PRKCE: variants seen among roughly 807,000 people sequenced by gnomAD.
The protein encoded by PRKCE is protein kinase C epsilon type.
Under a neutral mutation model 85.4 loss-of-function variants are expected in PRKCE, and 16 were observed. That is an observed-to-expected ratio of 0.19 (90% CI 0.13 to 0.28). The LOEUF is 0.28. Ranked by LOEUF, PRKCE falls within the 10% of genes least tolerant of loss-of-function variation. PRKCE has a pLI of 1.00. For synonymous variants in PRKCE, 388 were observed against 371.5 expected, an observed-to-expected ratio of 1.04 and a Z score of -0.51; for missense variants, 573 against 975.2, an observed-to-expected ratio of 0.59 and a Z score of 5.49.
intron 1 of PRKCE, among the ~76,000 whole-genome samples, chr2:45,716,287 T>C (rs939576314): frequency 3.3e-5 from 5 of 152,108 alleles, no homozygotes; most frequent in African/African-American, 1.2e-4. Context: ...GAGGCCAAGG[T>C]GGGCAGATCA....
intron 1 of PRKCE, among the ~76,000 whole-genome samples, chr2:45,760,014 C>T (rs1180860799): frequency 6.6e-6 from 1 of 152,166 alleles, no homozygotes; most frequent in Non-Finnish European, 1.5e-5. Context: ...CCTATGCACG[C>T]AAAAGCAGAT....
Position 46,052,301 on chromosome 2 carries a change from C to G in PRKCE, c.1438-33907C>G, listed in dbSNP as rs550218719. Among the ~76,000 whole-genome samples, 9 of 152,210 alleles carry G rather than the reference C, an allele frequency of 5.9e-5. No individual in the cohort carries two copies. The South Asian group carries it at 1.9e-3, about 32-fold the overall frequency. On this transcript the variant is annotated intron_variant, in intron 10 of 14. Coordinates refer to ENST00000306156, the MANE Select transcript of PRKCE (RefSeq NM_005400.3). ...AACTAATAAAAGAGTAGAGCAAGGC[C>G]ACAGGAGACAAGATCAATATACAAA...
intron 2 of PRKCE, among the ~76,000 whole-genome samples, chr2:45,918,296 T>TC (rs1255881753): frequency 1.3e-5 from 2 of 152,222 alleles, no homozygotes; most frequent in African/African-American, 4.8e-5. Flanking sequence ...AGCCTTTCGT[T>TC]CCCCAGCAAG....
At chr2:45,984,719 C>T (rs779485798) in intron 6 of PRKCE, 39 bp downstream of exon 6, 6 of 1,574,424 alleles carry the variant, frequency 3.8e-6, no homozygotes, top group Non-Finnish European at 4.3e-6. Context: ...CCCTGCATGT[C>T]CCCTTCCTTG....
intron 1 of PRKCE, among the ~76,000 whole-genome samples, chr2:45,666,370 T>G (rs751110433): frequency 2.0e-5 from 3 of 151,974 alleles, no homozygotes; most frequent in Admixed American, 2.0e-4. Context: ...CCAGCCCCAG[T>G]TGCCTACATA....
In PRKCE at chr2:45,697,067, A is replaced by T. The variant is rs1202404070; in HGVS notation, c.348+44619A>T. Among the ~76,000 whole-genome samples, 1 of 152,218 alleles carries T rather than the reference A, an allele frequency of 6.6e-6. No homozygotes were observed. Among genetic ancestry groups the T allele is most frequent in the Non-Finnish European group, 1.5e-5 (1 of 68,038 alleles). Reference sequence around the variant, plus strand: ...AAGCAAACCTTTTTGTGACTACATTAATGTCCATGGTAATATTAAAGATTA... The same window carrying T: ...AAGCAAACCTTTTTGTGACTACATTTATGTCCATGGTAATATTAAAGATTA... On this transcript the variant is annotated intron_variant, in intron 1 of 14. Coordinates refer to ENST00000306156, the MANE Select transcript of PRKCE (RefSeq NM_005400.3). The surrounding 1 kb of genome is among the most constrained non-coding windows in gnomAD (Gnocchi z 4.2).
At chr2:45,674,546 A>G (rs1676331306) in intron 1 of PRKCE, among the ~76,000 whole-genome samples, 1 of 152,222 alleles carries the variant, frequency 6.6e-6, no homozygotes, top group Non-Finnish European at 1.5e-5. Context: ...CACTGTGGTC[A>G]GTGCATATAT....
intron 2 of PRKCE, among the ~76,000 whole-genome samples, chr2:45,887,491 A>G (rs1389031577): frequency 2.0e-5 from 3 of 152,156 alleles, no homozygotes; most frequent in Non-Finnish European, 2.9e-5. Context: ...AAAGGTCTCT[A>G]GGTGGCGGTT....
chr2:46,145,446 G>T lies in PRKCE; in HGVS notation c.1731+215G>T, dbSNP rs531703199. On this transcript the variant is annotated intron_variant, in intron 12 of 14. Transcript: ENST00000306156. This position sits in a 1 kb window ranked among gnomAD's most constrained non-coding sequence, Gnocchi z 4.6. ...TGGGGAGATGATGAGTGAAATGAGA[G>T]TAACAGGCTATTTCCCAAACCCGGG... 2.0e-5 allele frequency among the ~76,000 whole-genome samples: 3 copies of T among 152,168 alleles called. No homozygotes were observed. The highest frequency in any genetic ancestry group is 4.4e-5 in the Non-Finnish European group (3 of 68,030).
rs146217587 is a variant in PRKCE, at chr2:45,710,054, G to A, written c.348+57606G>A. Among the ~76,000 whole-genome samples the A allele has an allele frequency of 7.7e-4, 117 of 152,234 alleles. 1 individual carries two copies. The highest frequency in any genetic ancestry group is 3.4e-3 in the Middle Eastern group (1 of 294). ...TCGAACCCCTGACCTCAAGTGATCCGGAAAGTTCTGGGATTACAGGCTTAG... is the reference window on the plus strand; with the variant it reads ...TCGAACCCCTGACCTCAAGTGATCCAGAAAGTTCTGGGATTACAGGCTTAG... On this transcript the variant is annotated intron_variant, in intron 1 of 14. Coordinates refer to ENST00000306156, the MANE Select transcript of PRKCE (RefSeq NM_005400.3).
chr2:45,979,452 C>CT (rs1170994393), intron 4 of PRKCE, among the ~76,000 whole-genome samples: 12 of 152,134 alleles, frequency 7.9e-5, no homozygotes, highest in Admixed American at 2.0e-4. Flanking sequence ...TGTCTAATCC[C>CT]TTTTTTTGGT....
At chr2:45,996,086 A>G (rs1704192934) in intron 6 of PRKCE, among the ~76,000 whole-genome samples, 1 of 152,038 alleles carries the variant, frequency 6.6e-6, no homozygotes, top group East Asian at 1.9e-4. Context: ...ATTTTGTGAG[A>G]TTTATATGTA....
chr2:45,937,770 G>T lies in PRKCE; in HGVS notation c.413-38659G>T, dbSNP rs996604811. ...GGTATATATCATCGTTCCAACAAAA[G>T]CTGCCATTATCGAACGCCTACTGTG... On this transcript the variant is annotated intron_variant, in intron 2 of 14. Transcript: ENST00000306156. Among the ~76,000 whole-genome samples the T allele has an allele frequency of 2.0e-5, 3 of 152,116 alleles. No homozygotes were observed. In the South Asian group the frequency reaches 6.2e-4, roughly 32 times the overall value.
At chr2:45,996,049 A>G (rs1459179904) in intron 6 of PRKCE, among the ~76,000 whole-genome samples, 1 of 152,122 alleles carries the variant, frequency 6.6e-6, no homozygotes, top group African/African-American at 2.4e-5. Context: ...ACGGTTTTGT[A>G]GTTCTACTTA....
intron 1 of PRKCE, among the ~76,000 whole-genome samples, chr2:45,695,415 C>G (rs1398452939): frequency 2.6e-5 from 4 of 152,108 alleles, no homozygotes; most frequent in Non-Finnish European, 5.9e-5. Context: ...AATGTACCAC[C>G]ACTTCACCAA....
In PRKCE at chr2:45,697,429, T is replaced by C. The variant is rs1678245992; in HGVS notation, c.348+44981T>C. On this transcript the variant is annotated intron_variant, in intron 1 of 14. Coordinates refer to ENST00000306156, the MANE Select transcript of PRKCE (RefSeq NM_005400.3). This position sits in a 1 kb window ranked among gnomAD's most constrained non-coding sequence, Gnocchi z 4.2. ...ATGAGTGAAAATCCATTTTATTTATTTAGCCAGGACAGATAAGGACTAACA... is the reference window on the plus strand; with the variant it reads ...ATGAGTGAAAATCCATTTTATTTATCTAGCCAGGACAGATAAGGACTAACA... 6.6e-6 allele frequency among the ~76,000 whole-genome samples: 1 copy of C among 152,152 alleles called. No homozygotes were observed. The highest frequency in any genetic ancestry group is 2.1e-4 in the South Asian group (1 of 4,828).
rs755792450 is a variant in PRKCE at position 46,155,435 on chromosome 2, G to A, written c.1921-4171G>A. 3.8e-4 allele frequency among the ~76,000 whole-genome samples: 57 copies of A among 151,924 alleles called. No individual in the cohort carries two copies. The highest frequency in any genetic ancestry group is 6.5e-4 in the Non-Finnish European group (44 of 67,946). Reference sequence around the variant, plus strand: ...CTTGTTCCTCAGGCCTGGGCCCCGGGTCCTCTGGGTACCCTGTGCTCTCCC... The same window carrying A: ...CTTGTTCCTCAGGCCTGGGCCCCGGATCCTCTGGGTACCCTGTGCTCTCCC... On this transcript the variant is annotated intron_variant, in intron 13 of 14. Transcript: ENST00000306156. The surrounding 1 kb of genome is among the most constrained non-coding windows in gnomAD (Gnocchi z 4.7).
At chr2:45,898,778 C>T (rs1696345894) in intron 2 of PRKCE, among the ~76,000 whole-genome samples, 1 of 152,082 alleles carries the variant, frequency 6.6e-6, no homozygotes, top group African/African-American at 2.4e-5. Context: ...CCTAGGGTGG[C>T]TCTGAGGAGG....
At chr2:45,932,917 T>G (rs1182964224) in intron 2 of PRKCE, among the ~76,000 whole-genome samples, 5 of 152,260 alleles carry the variant, frequency 3.3e-5, no homozygotes, top group African/African-American at 7.2e-5. Context: ...CCTAGCTCAA[T>G]GTCTTCAAGG....
Sources: allele counts gnomAD v4.1 joint callset (sites outside exome capture counted in the v4.1 genomes callset), GRCh38; gene constraint gnomAD v4.1.1; non-coding constraint Gnocchi (gnomAD v3.1); transcripts MANE v1.5; gene names NCBI Gene and HGNC (gene_info 2026-07-23, HGNC 2026-07-21).